RGPD2: variants seen among roughly 807,000 people sequenced by gnomAD.
The protein encoded by RGPD2 is RANBP2-like and GRIP domain-containing protein 2.
In RGPD2, 2 loss-of-function variants were observed where a neutral mutation model predicts 36.0. That is an observed-to-expected ratio of 0.06 (90% CI 0.02 to 0.17). The LOEUF (loss-of-function observed/expected upper bound fraction) is 0.17. Ranked by LOEUF, RGPD2 falls within the 10% of genes least tolerant of loss-of-function variation. The pLI, the probability that RGPD2 is intolerant of heterozygous loss-of-function variation, is 1.00. For synonymous variants in RGPD2, 19 were observed against 163.8 expected (o/e 0.12, Z 6.75); for missense variants, 40 against 464.3 (o/e 0.09, Z 8.40).
the RGPD2 span, among the ~76,000 whole-genome samples, chr2:87,877,515 T>A: frequency 6.6e-6 from 1 of 152,066 alleles, no homozygotes; most frequent in Non-Finnish European, 1.5e-5. Context: ...TCTTTAAGAA[T>A]ATTGACAGCC....
At chr2:87,858,144 GGT>G in the RGPD2 span, among the ~76,000 whole-genome samples, 2 of 152,140 alleles carry the variant, frequency 1.3e-5, no homozygotes, top group Non-Finnish European at 2.9e-5. Context: ...CAGGCATGGT[GGT>G]GCGTGCCTGT....
chr2:87,966,093 G>A, the RGPD2 span, among the ~76,000 whole-genome samples: 1 of 145,164 alleles, frequency 6.9e-6, no homozygotes, highest in Non-Finnish European at 1.5e-5. Context: ...AAGGACCTTT[G>A]AGATCTGACC....
At chr2:87,988,743 G>A in the RGPD2 span, among the ~76,000 whole-genome samples, 29 of 151,522 alleles carry the variant, frequency 1.9e-4, no homozygotes, top group East Asian at 2.9e-3. Context: ...GTTTCACCAC[G>A]TTGGCCAGGC....
the RGPD2 span, among the ~76,000 whole-genome samples, chr2:87,839,419 C>T: frequency 1.3e-5 from 2 of 152,044 alleles, no homozygotes; most frequent in East Asian, 1.9e-4. Flanking sequence ...ACCCAGCAAT[C>T]CTATTCCTGG....
chr2:87,857,574 C>T, the RGPD2 span, among the ~76,000 whole-genome samples: 62 of 151,172 alleles, frequency 4.1e-4, no homozygotes, highest in Non-Finnish European at 7.8e-4. Flanking sequence ...GATCTCCTGA[C>T]CTTGTGATCC....
the RGPD2 span, among the ~76,000 whole-genome samples, chr2:87,857,269 G>C: frequency 6.6e-6 from 1 of 152,048 alleles, no homozygotes; most frequent in Non-Finnish European, 1.5e-5. Context: ...TTTATAATAG[G>C]TTATGGCTTA....
the RGPD2 span, among the ~76,000 whole-genome samples, chr2:87,915,634 GTATATATATACACATATATATGTGTGTA>G: frequency 1.4e-5 from 2 of 144,348 alleles, no homozygotes; most frequent in African/African-American, 2.6e-5. Context: ...ATATGTGCGT[GTATATATATACACATATATATGTGTGTA>G]TATATATATA....
the RGPD2 span, among the ~76,000 whole-genome samples, chr2:87,857,345 T>C: frequency 6.6e-6 from 1 of 152,094 alleles, no homozygotes; most frequent in Admixed American, 6.5e-5. Flanking sequence ...AAAATATTTG[T>C]ATACTTTTTT....
the RGPD2 span, among the ~76,000 whole-genome samples, chr2:87,840,538 A>T: frequency 3.3e-4 from 49 of 150,554 alleles, no homozygotes; most frequent in South Asian, 3.8e-3. Flanking sequence ...GATGTATTTT[A>T]AAAAAAAAAT....
the RGPD2 span, chr2:87,968,610 T>C: frequency 1.3e-5 from 2 of 150,766 alleles, no homozygotes; most frequent in African/African-American, 5.0e-5. Context: ...GTCGCCAAGA[T>C]GTCGTTCCCA....
the RGPD2 span, among the ~76,000 whole-genome samples, chr2:87,984,419 C>T: frequency 6.6e-6 from 1 of 151,364 alleles, no homozygotes; most frequent in Middle Eastern, 3.4e-3. Flanking sequence ...CAATTATTAG[C>T]TATTGGTTAA....
the RGPD2 span, among the ~76,000 whole-genome samples, chr2:87,960,212 A>G: frequency 1.3e-5 from 2 of 151,708 alleles, no homozygotes; most frequent in African/African-American, 4.8e-5. Flanking sequence ...CTTCCTCACC[A>G]GCCCATTATT....
At chr2:87,921,245 G>A in the RGPD2 span, among the ~76,000 whole-genome samples, 2 of 152,238 alleles carry the variant, frequency 1.3e-5, no homozygotes, top group Admixed American at 6.5e-5. Flanking sequence ...TACAGAGGAT[G>A]CTTAGCGCAG....
the RGPD2 span, among the ~76,000 whole-genome samples, chr2:87,882,889 T>C: frequency 1.3e-5 from 2 of 151,984 alleles, no homozygotes; most frequent in Non-Finnish European, 2.9e-5. Flanking sequence ...GGTGAGTTAA[T>C]TGTTAGTGTG....
the RGPD2 span, among the ~76,000 whole-genome samples, chr2:87,870,304 T>C: frequency 4.7e-3 from 711 of 152,364 alleles, 2 homozygotes; most frequent in African/African-American, 0.016. Context: ...CTTTGGTCTA[T>C]AGACCAAAGT....
the RGPD2 span, among the ~76,000 whole-genome samples, chr2:87,915,286 A>ATCTCCCTTTTCAACCATATTCCAC: frequency 4.4e-5 from 6 of 137,792 alleles, no homozygotes; most frequent in Admixed American, 7.3e-5. Context: ...ATATATATAT[A>ATCTCCCTTTTCAACCATATTCCAC]TATGTATATT....
chr2:87,944,611 G>T, the RGPD2 span, among the ~76,000 whole-genome samples: 4 of 119,318 alleles, frequency 3.4e-5, no homozygotes, highest in African/African-American at 1.7e-4. Flanking sequence ...TTTCACTCCA[G>T]ATTGGATTAG....
At chr2:87,825,584 A>T (rs1429099577) in intron 1 of RGPD2, 74 bp downstream of exon 1, 6 of 1,207,544 alleles carry the variant, frequency 5.0e-6, no homozygotes, top group Admixed American at 3.7e-5. Context: ...GGCCAGGTCG[A>T]GGCCGCCGCC....
the RGPD2 span, among the ~76,000 whole-genome samples, chr2:87,978,851 G>C: frequency 1.4e-5 from 2 of 145,954 alleles, no homozygotes; most frequent in Non-Finnish European, 3.0e-5. Flanking sequence ...CTATGAGTTC[G>C]AGATTACAGC....
Sources: gnomAD v4.1 joint callset for allele counts (sites outside exome capture counted in the v4.1 genomes callset) on GRCh38, gnomAD v4.1.1 for gene constraint, MANE v1.5 for transcripts, NCBI Gene and HGNC (gene_info 2026-07-23, HGNC 2026-07-21) for gene names.